Variants in CDH13 observed in about 807,000 individuals in gnomAD.
CDH13 encodes cadherin 13.
In CDH13, 24 loss-of-function variants were observed where a neutral mutation model predicts 63.8. The observed-to-expected ratio is 0.38, with a 90% CI of 0.27 to 0.53. The LOEUF is 0.53. CDH13 is among the 20% of genes least tolerant of loss of function. The probability of loss-of-function intolerance (pLI) is 0.85; values close to 1 mark genes in which losing one functional copy is unlikely to be tolerated. For synonymous variants in CDH13, 503 were observed against 355.3 expected (o/e 1.42, Z -4.67); for missense variants, 1,049 against 903.1 (o/e 1.16, Z -2.07).
chr16:82,663,830 C>T (rs949652696), intron 1 of CDH13, among the ~76,000 whole-genome samples: 1 of 152,128 alleles, frequency 6.6e-6, no homozygotes, highest in African/African-American at 2.4e-5. Context: ...AGGAGATTTA[C>T]CTCTCTGCTA....
rs1294900070 is a variant in CDH13, at chr16:83,719,006, G to A, written c.1539-29102G>A. Among the ~76,000 whole-genome samples the A allele has an allele frequency of 3.3e-5, 5 of 152,186 alleles. No individual in the cohort carries two copies. In the East Asian group the frequency reaches 7.7e-4, roughly 23 times the overall value. On this transcript the variant is annotated intron_variant, in intron 10 of 13. Coordinates refer to ENST00000567109, the MANE Select transcript of CDH13 (RefSeq NM_001257.5). Reference sequence around the variant, plus strand: ...GCAAGTTCTCTGGCAAAGGAATGCAGGTGCTGACAGGTGCATTTGGCCTGA... The same window carrying A: ...GCAAGTTCTCTGGCAAAGGAATGCAAGTGCTGACAGGTGCATTTGGCCTGA...
rs75660109 is a variant in CDH13 at position 83,289,831 on chromosome 16, G to A, written c.637-55031G>A. ...CATACAGTTAGCCTGTAAATGATAC[G>A]TTCTATTTTATGTAACCATTAAAAC... is the stretch of plus-strand genomic sequence containing the variant. On this transcript the variant is annotated intron_variant, in intron 5 of 13. Coordinates refer to ENST00000567109, the MANE Select transcript of CDH13 (RefSeq NM_001257.5). 1.8e-4 allele frequency among the ~76,000 whole-genome samples: 27 copies of A among 152,256 alleles called. No individual in the cohort carries two copies. In the East Asian group the frequency reaches 4.1e-3, roughly 23 times the overall value.
chr16:83,403,617 C>T (rs572610400), intron 6 of CDH13, among the ~76,000 whole-genome samples: 2 of 151,216 alleles, frequency 1.3e-5, no homozygotes, highest in Non-Finnish European at 2.9e-5. Context: ...AGCGAGACTC[C>T]GTCTCAAAAA....
At chr16:83,223,487 C>T (rs1264606296) in intron 5 of CDH13, among the ~76,000 whole-genome samples, 2 of 152,348 alleles carry the variant, frequency 1.3e-5, no homozygotes, top group Middle Eastern at 3.4e-3. Context: ...ACAGGCATTT[C>T]AACCATAGCA....
chr16:83,501,519 T>C (rs2074283250), intron 7 of CDH13, among the ~76,000 whole-genome samples: 1 of 152,228 alleles, frequency 6.6e-6, no homozygotes, highest in African/African-American at 2.4e-5. Context: ...ACAGTTTATG[T>C]TGTGCTCAGC....
intron 2 of CDH13, among the ~76,000 whole-genome samples, chr16:82,977,391 C>A (rs1464691360): frequency 6.6e-6 from 1 of 152,184 alleles, no homozygotes; most frequent in African/African-American, 2.4e-5. Flanking sequence ...TGTGTCCCCA[C>A]CCAAATCTCA....
intron 1 of CDH13, among the ~76,000 whole-genome samples, chr16:82,663,328 A>G (rs893146988): frequency 1.3e-5 from 2 of 152,140 alleles, no homozygotes; most frequent in African/African-American, 4.8e-5. Context: ...CTGGGATTAC[A>G]GGCATGCAGC....
At chr16:83,079,453 T>C (rs2033084699) in intron 3 of CDH13, among the ~76,000 whole-genome samples, 1 of 152,186 alleles carries the variant, frequency 6.6e-6, no homozygotes. Context: ...TGCTCATCTG[T>C]AAAATGGGAT....
intron 1 of CDH13, among the ~76,000 whole-genome samples, chr16:82,836,218 G>T (rs993472477): frequency 2.0e-5 from 3 of 152,000 alleles, no homozygotes; most frequent in Non-Finnish European, 4.4e-5. Flanking sequence ...GCGCGATCTC[G>T]GCTCACTGCA....
At chr16:83,378,557 G>T (rs1460597072) in intron 6 of CDH13, among the ~76,000 whole-genome samples, 1 of 152,170 alleles carries the variant, frequency 6.6e-6, no homozygotes, top group East Asian at 1.9e-4. Flanking sequence ...GTGAGTCTGT[G>T]TACATGGCCC....
intron 3 of CDH13, among the ~76,000 whole-genome samples, chr16:83,056,907 T>C (rs922746892): frequency 6.6e-6 from 1 of 152,190 alleles, no homozygotes; most frequent in Non-Finnish European, 1.5e-5. Flanking sequence ...CTGCCATGAT[T>C]GTGAGTCCTC....
In CDH13 at chr16:83,470,434, G is replaced by A. The variant is rs187402151; in HGVS notation, c.782-16043G>A. On this transcript the variant is annotated intron_variant, in intron 6 of 13. Transcript: ENST00000567109. Reference sequence around the variant, plus strand: ...CTCTCCTGGCCATCCCTTTGCATAGGCCATAGTGGAAGCTTATAATTTGAT... The same window carrying A: ...CTCTCCTGGCCATCCCTTTGCATAGACCATAGTGGAAGCTTATAATTTGAT... Among the ~76,000 whole-genome samples, 506 of 152,262 alleles carry A rather than the reference G, an allele frequency of 3.3e-3. 17 individuals carry two copies. Among genetic ancestry groups the A allele is most frequent in the Admixed American group, 0.029 (442 of 15,290 alleles).
chr16:83,330,628 C>G (rs2090459929), intron 5 of CDH13, among the ~76,000 whole-genome samples: 1 of 152,118 alleles, frequency 6.6e-6, no homozygotes, highest in African/African-American at 2.4e-5. Context: ...GGAATGAGAG[C>G]CAGAAAAACA....
At chr16:83,400,046 C>G (rs1254445289) in intron 6 of CDH13, among the ~76,000 whole-genome samples, 2 of 152,024 alleles carry the variant, frequency 1.3e-5, no homozygotes, top group African/African-American at 4.8e-5. Context: ...TAATCGTTCC[C>G]TTATAATGCC....
chr16:83,342,154 G>A (rs2090739329), intron 5 of CDH13, among the ~76,000 whole-genome samples: 1 of 152,164 alleles, frequency 6.6e-6, no homozygotes, highest in African/African-American at 2.4e-5. Context: ...CTGGAGTACT[G>A]AGTTTTTTCA....
intron 2 of CDH13, among the ~76,000 whole-genome samples, chr16:83,010,192 C>G (rs924627021): frequency 7.1e-6 from 1 of 140,796 alleles, no homozygotes; most frequent in African/African-American, 2.6e-5. Flanking sequence ...GGCCAAAAAT[C>G]TGCATTTCTA....
At chr16:82,964,653 G>C (rs1907545945) in intron 2 of CDH13, among the ~76,000 whole-genome samples, 1 of 152,230 alleles carries the variant, frequency 6.6e-6, no homozygotes, top group Admixed American at 6.5e-5. Flanking sequence ...AAGGGACTGA[G>C]AAAATATATG....
intron 12 of CDH13, among the ~76,000 whole-genome samples, chr16:83,782,107 T>C (rs1396088008): frequency 1.3e-5 from 2 of 152,232 alleles, no homozygotes; most frequent in Non-Finnish European, 2.9e-5. Context: ...CATTACTCTC[T>C]TGTTTTTTCT....
At chr16:82,984,313 C>G (rs963030801) in intron 2 of CDH13, among the ~76,000 whole-genome samples, 5 of 152,170 alleles carry the variant, frequency 3.3e-5, no homozygotes, top group African/African-American at 1.2e-4. Context: ...TATGTCTTCA[C>G]ATGGGAAATG....
Sources: allele counts gnomAD v4.1 joint callset (sites outside exome capture counted in the v4.1 genomes callset), GRCh38; gene constraint gnomAD v4.1.1; transcripts MANE v1.5; gene names NCBI Gene and HGNC (gene_info 2026-07-23, HGNC 2026-07-21).